MECOM: variants seen among roughly 807,000 people sequenced by gnomAD.
MECOM encodes MDS1 and EVI1 complex locus, also known as histone-lysine N-methyltransferase MECOM.
In MECOM, 13 loss-of-function variants were observed where a neutral mutation model predicts 116.3. The observed-to-expected ratio is 0.11, with a 90% CI of 0.07 to 0.18. The LOEUF is 0.18. MECOM is among the 10% of genes least tolerant of loss of function. MECOM has a pLI of 1.00. For missense variants in MECOM, 1,299 were observed against 1,509.0 expected (o/e 0.86, Z 2.31); for synonymous variants, 528 against 535.2 (o/e 0.99, Z 0.19).
intron 1 of MECOM, among the ~76,000 whole-genome samples, chr3:169,412,551 T>C (rs1215649434): frequency 2.0e-5 from 3 of 151,988 alleles, no homozygotes; most frequent in Admixed American, 6.6e-5. Flanking sequence ...ATAGAAGGAT[T>C]TTCCCCCTAC....
At chr3:169,112,926 A>G (rs753349561) in intron 8 of MECOM, 52 bp from the exon 9 acceptor site, 9 of 1,265,436 alleles carry the variant, frequency 7.1e-6, no homozygotes, top group Non-Finnish European at 1.0e-5. Context: ...CATATCAATC[A>G]CTACATAATC....
chr3:169,235,623 A>C (rs1446168644), intron 2 of MECOM, among the ~76,000 whole-genome samples: 5 of 152,154 alleles, frequency 3.3e-5, no homozygotes, highest in Non-Finnish European at 4.4e-5. Context: ...CTTTAAAATT[A>C]AAGTGATAGA....
intron 2 of MECOM, among the ~76,000 whole-genome samples, chr3:169,375,634 A>C (rs1254486469): frequency 6.6e-6 from 1 of 152,182 alleles, no homozygotes; most frequent in African/African-American, 2.4e-5. Context: ...ACCAGGAAGA[A>C]GTCAAATCCC....
chr3:169,340,502 G>A (rs1318765343), intron 2 of MECOM, among the ~76,000 whole-genome samples: 3 of 152,214 alleles, frequency 2.0e-5, no homozygotes, highest in East Asian at 1.9e-4. Flanking sequence ...AACTGTCATC[G>A]AGCCTGGTAC....
intron 10 of MECOM, among the ~76,000 whole-genome samples, chr3:169,106,488 A>G (rs1338627605): frequency 6.6e-6 from 1 of 152,182 alleles, no homozygotes; most frequent in Non-Finnish European, 1.5e-5. Context: ...ATAAACATAT[A>G]TCTTTAATAT....
intron 1 of MECOM, among the ~76,000 whole-genome samples, chr3:169,444,105 T>A (rs1052283831): frequency 3.3e-5 from 5 of 152,224 alleles, no homozygotes; most frequent in Admixed American, 3.3e-4. Context: ...TTTCCTACCG[T>A]CTACTTCCAA....
At chr3:169,323,811 G>A (rs1330030313) in intron 2 of MECOM, among the ~76,000 whole-genome samples, 1 of 152,170 alleles carries the variant, frequency 6.6e-6, no homozygotes, top group Non-Finnish European at 1.5e-5. Flanking sequence ...CAAATAATCA[G>A]AGTATGTTGG....
At chr3:169,214,508 C>T (rs1751179950) in intron 2 of MECOM, among the ~76,000 whole-genome samples, 1 of 150,658 alleles carries the variant, frequency 6.6e-6, no homozygotes, top group Non-Finnish European at 1.5e-5. Flanking sequence ...TCAGTTATAG[C>T]TTTCAGAAGC....
At chr3:169,214,803 T>C (rs1233332134) in intron 2 of MECOM, among the ~76,000 whole-genome samples, 1 of 148,752 alleles carries the variant, frequency 6.7e-6, no homozygotes, top group East Asian at 1.9e-4. Context: ...TTCTACAGGA[T>C]TATATATTTA....
intron 7 of MECOM, among the ~76,000 whole-genome samples, chr3:169,117,582 G>A (rs1407320744): frequency 1.3e-5 from 2 of 152,174 alleles, no homozygotes; most frequent in Non-Finnish European, 2.9e-5. Flanking sequence ...TATCTACACT[G>A]GTTATCTCAG....
chr3:169,455,077 T>C (rs1746246989), intron 1 of MECOM, among the ~76,000 whole-genome samples: 1 of 152,154 alleles, frequency 6.6e-6, no homozygotes, highest in African/African-American at 2.4e-5. Context: ...CACATCATCA[T>C]GTGAATGAAA....
chr3:169,345,668 A>C (rs1405784550), intron 2 of MECOM, among the ~76,000 whole-genome samples: 1 of 152,142 alleles, frequency 6.6e-6, no homozygotes, highest in African/African-American at 2.4e-5. Flanking sequence ...GGTCAAATGC[A>C]AGTTAATCTC....
chr3:169,482,117 A>C (rs1156348258), intron 1 of MECOM, among the ~76,000 whole-genome samples: 1 of 152,138 alleles, frequency 6.6e-6, no homozygotes, highest in African/African-American at 2.4e-5. Flanking sequence ...GTGAAATAAC[A>C]GTTTCTTTTA....
intron 1 of MECOM, among the ~76,000 whole-genome samples, chr3:169,573,194 G>A (rs1764121889): frequency 6.6e-6 from 1 of 152,140 alleles, no homozygotes; most frequent in South Asian, 2.1e-4. Flanking sequence ...ACAGGAGGAG[G>A]GAGCCGGTTT....
At chr3:169,301,704 G>A (rs1430442) in intron 2 of MECOM, among the ~76,000 whole-genome samples, 89,980 of 152,080 alleles carry the variant, frequency 0.59, 30,122 homozygotes, top group African/African-American at 0.89. Context: ...TAAAAGATAT[G>A]CTAATTTTGA....
chr3:169,610,480 G>T (rs917186267), intron 1 of MECOM, among the ~76,000 whole-genome samples: 2 of 149,466 alleles, frequency 1.3e-5, no homozygotes, highest in Non-Finnish European at 3.0e-5. Context: ...TATGGTAAAT[G>T]ATATATATGT....
chr3:169,313,849 A>T (rs1421711625), intron 2 of MECOM, among the ~76,000 whole-genome samples: 2 of 152,234 alleles, frequency 1.3e-5, no homozygotes, highest in African/African-American at 4.8e-5. Context: ...AGGTAAGGAT[A>T]TAAGCAAAGA....
At chr3:169,399,030 A>C (rs1735453245) in intron 1 of MECOM, among the ~76,000 whole-genome samples, 1 of 152,194 alleles carries the variant, frequency 6.6e-6, no homozygotes, top group South Asian at 2.1e-4. Context: ...TATGGATCAC[A>C]AAGTACATAA....
chr3:169,342,496 T>C (rs1724711288), intron 2 of MECOM, among the ~76,000 whole-genome samples: 1 of 152,142 alleles, frequency 6.6e-6, no homozygotes, highest in Admixed American at 6.6e-5. Flanking sequence ...TCATATTATT[T>C]ATAAAATTTT....
Sources: allele counts gnomAD v4.1 joint callset (sites outside exome capture counted in the v4.1 genomes callset), GRCh38; gene constraint gnomAD v4.1.1; transcripts MANE v1.5; gene names NCBI Gene and HGNC (gene_info 2026-07-23, HGNC 2026-07-21).